Variants in ACTA2 observed in about 807,000 individuals in gnomAD.
ACTA2 encodes actin, aortic smooth muscle.
ACTA2 carries 12 observed loss-of-function variants against 39.5 expected under a neutral mutation model. That is an observed-to-expected ratio of 0.30 (90% CI 0.19 to 0.49). The LOEUF is 0.49. Ranked by LOEUF, ACTA2 falls within the 20% of genes least tolerant of loss-of-function variation. ACTA2 has a pLI of 0.99. For missense variants in ACTA2, 236 were observed against 498.8 expected, an observed-to-expected ratio of 0.47 and a Z score of 5.02; for synonymous variants, 158 against 180.6, an observed-to-expected ratio of 0.88 and a Z score of 1.00.
upstream of ACTA2, among the ~76,000 whole-genome samples, chr10:88,953,672 T>C (rs185722651): frequency 4.6e-5 from 7 of 152,286 alleles, 1 homozygote; most frequent in East Asian, 1.2e-3. Context: ...CGAATTCTAA[T>C]CTCCATAATC....
At chr10:88,965,920 C>T (rs535432409) in intron 1 of ACTA2, among the ~76,000 whole-genome samples, 1 of 152,200 alleles carries the variant, frequency 6.6e-6, no homozygotes, top group Admixed American at 6.5e-5. Context: ...TGTTTTTTTC[C>T]ACTCCAGTCC....
At chr10:88,941,903 G>A (rs1349677421) in intron 4 of ACTA2, 34 bp from the exon 5 acceptor site, 3 of 1,579,434 alleles carry the variant, frequency 1.9e-6, no homozygotes, top group South Asian at 2.3e-5. Flanking sequence ...AGTTAGTGAA[G>A]GTGCCCATCT....
At chr10:88,941,718 A>G (rs1564644714) in intron 5 of ACTA2, 67 bp downstream of exon 5, 3 of 1,411,516 alleles carry the variant, frequency 2.1e-6, no homozygotes, top group Non-Finnish European at 3.0e-6. Context: ...CCCACGTGTT[A>G]ACGACCATTC....
chr10:88,949,094 A>G (rs1216954172), intron 1 of ACTA2, 141 bp from the exon 2 acceptor site: 3 of 722,624 alleles, frequency 4.2e-6, no homozygotes, highest in Non-Finnish European at 7.0e-6. Context: ...CTAATATAGC[A>G]TGTATCTGGA....
chr10:88,990,724 G>C lies in ACTA2; in HGVS notation c.-24+215C>G, dbSNP rs1344980586. ...GAGGGAAGCGGTTTACGAGTGACTTGGCTGGAGCCTCAGGGGCGGGCACTG... is the reference window on the plus strand; with the variant it reads ...GAGGGAAGCGGTTTACGAGTGACTTCGCTGGAGCCTCAGGGGCGGGCACTG... On this transcript the variant is annotated intron_variant, in intron 1 of 4. Transcript: ENST00000415557. This position sits in a 1 kb window ranked among gnomAD's most constrained non-coding sequence, Gnocchi z 4.9. The C allele has an allele frequency of 2.3e-6, 2 of 862,444 alleles. No homozygotes were observed. The highest frequency in any genetic ancestry group is 3.8e-6 in the Non-Finnish European group (2 of 520,138). The allele number at this position is 862,444 out of a possible 1,614,324, so 53.4% of individuals were successfully genotyped here.
At chr10:88,961,178 G>C (rs929520490) in intron 1 of ACTA2, among the ~76,000 whole-genome samples, 1 of 152,104 alleles carries the variant, frequency 6.6e-6, no homozygotes, top group Non-Finnish European at 1.5e-5. Context: ...GCACTCATGG[G>C]TTATGTCTAC....
Position 88,990,894 on chromosome 10 carries a change from C to T in ACTA2, c.-24+45G>A. On this transcript the variant is annotated intron_variant, in intron 1 of 4. Transcript: ENST00000415557. This position sits in a 1 kb window ranked among gnomAD's most constrained non-coding sequence, Gnocchi z 4.9. ...CAACAACCATGCTGGGCATCTGGAC[C>T]CTCCTACCTCTGGTGAGCCCTCTCC... is the stretch of plus-strand genomic sequence containing the variant. The T allele has an allele frequency of 6.2e-7, 1 of 1,614,230 alleles. No homozygotes were observed. The highest frequency in any genetic ancestry group is 8.5e-7 in the Non-Finnish European group (1 of 1,180,040).
intron 1 of ACTA2, among the ~76,000 whole-genome samples, chr10:88,958,564 G>A (rs1846175628): frequency 6.6e-6 from 1 of 152,160 alleles, no homozygotes; most frequent in Non-Finnish European, 1.5e-5. Flanking sequence ...AGAGGTGTGG[G>A]TAGTGGCCTG....
At chr10:88,977,238 C>T (rs936660248) in intron 1 of ACTA2, among the ~76,000 whole-genome samples, 3 of 151,734 alleles carry the variant, frequency 2.0e-5, no homozygotes, top group African/African-American at 7.3e-5. Context: ...AGTCCTTGCC[C>T]ATGCCTATGT....
At chr10:88,964,220 C>T (rs990850900) in intron 1 of ACTA2, among the ~76,000 whole-genome samples, 6 of 151,822 alleles carry the variant, frequency 4.0e-5, no homozygotes, top group Admixed American at 2.0e-4. Flanking sequence ...TATCTGGAAC[C>T]CCTGCAAAAA....
At chr10:88,959,512 G>C (rs1846193030) in intron 1 of ACTA2, among the ~76,000 whole-genome samples, 1 of 152,126 alleles carries the variant, frequency 6.6e-6, no homozygotes, top group Non-Finnish European at 1.5e-5. Context: ...ACAATCCCTG[G>C]AGAAGACCTT....
intron 1 of ACTA2, among the ~76,000 whole-genome samples, chr10:88,970,893 G>GTA (rs201282542): frequency 0.098 from 14,821 of 151,566 alleles, 814 homozygotes; most frequent in Non-Finnish European, 0.13. Flanking sequence ...GTGTGTGTGT[G>GTA]TGTGTATATA....
intron 1 of ACTA2, among the ~76,000 whole-genome samples, chr10:88,980,081 C>A (rs1173240919): frequency 1.3e-5 from 2 of 152,198 alleles, no homozygotes; most frequent in Non-Finnish European, 2.9e-5. Context: ...AATTTTATTT[C>A]ATTTATTAAT....
chr10:88,968,872 A>C (rs1846370705), intron 1 of ACTA2, among the ~76,000 whole-genome samples: 1 of 152,186 alleles, frequency 6.6e-6, no homozygotes, highest in Admixed American at 6.6e-5. Context: ...CTTCTTGGAA[A>C]GTAGATGTGG....
intron 1 of ACTA2, among the ~76,000 whole-genome samples, chr10:88,980,607 G>A (rs1846687388): frequency 6.6e-6 from 1 of 152,200 alleles, no homozygotes; most frequent in African/African-American, 2.4e-5. Flanking sequence ...ATGGTACAAA[G>A]TAGGTACTCG....
At chr10:88,943,492 C>G (rs1845892128) in intron 4 of ACTA2, among the ~76,000 whole-genome samples, 1 of 152,200 alleles carries the variant, frequency 6.6e-6, no homozygotes, top group African/African-American at 2.4e-5. Context: ...ACCCAAATTC[C>G]TATTGTATGT....
At chr10:88,987,330 T>A (rs1589433709) in intron 1 of ACTA2, among the ~76,000 whole-genome samples, 1 of 152,244 alleles carries the variant, frequency 6.6e-6, no homozygotes, top group East Asian at 1.9e-4. Context: ...AGTTAAGATT[T>A]TTTCAGTTGT....
rs1845712167 is a variant in ACTA2 at position 88,935,286 on chromosome 10, C to A, written c.1071G>T (p.Met357Ile). The change falls in exon 9 of 9, where the codon ATG becomes ATT. Residue 357 changes from methionine (M) to isoleucine (I), a missense_variant. Transcript: ENST00000224784. ...CATCGTATTCCTGTTTGCTGATCCA[C>A]ATCTGCTGGAAGGTGGACAGAGAGG... Reference protein sequence around the residue: ...ILASLSTFQQMWISKQEYDEA... With the variant: ...ILASLSTFQQIWISKQEYDEA... 1 of 1,614,002 alleles carries A rather than the reference C, an allele frequency of 6.2e-7. No individual in the cohort carries two copies. Among genetic ancestry groups the A allele is most frequent in the Non-Finnish European group, 8.5e-7 (1 of 1,179,890 alleles).
intron 4 of ACTA2, among the ~76,000 whole-genome samples, chr10:88,942,481 G>A (rs1845873918): frequency 6.6e-6 from 1 of 152,118 alleles, no homozygotes; most frequent in African/African-American, 2.4e-5. Context: ...AGAATCTGAG[G>A]CCATTCTGGT....
Sources: allele counts gnomAD v4.1 joint callset (sites outside exome capture counted in the v4.1 genomes callset), GRCh38; gene constraint gnomAD v4.1.1; non-coding constraint Gnocchi (gnomAD v3.1); transcripts MANE v1.5; gene names NCBI Gene and HGNC (gene_info 2026-07-23, HGNC 2026-07-21).